The following BAIAP2 variants were observed in gnomAD, a reference collection of about 807,000 sequenced individuals.
BAIAP2 encodes BAR/IMD domain-containing adapter protein 2.
A neutral mutation model predicts 63.0 loss-of-function variants in BAIAP2; 18 were observed. The ratio of observed to expected loss-of-function variants is 0.29; its 90% CI spans 0.20 to 0.42. The LOEUF (loss-of-function observed/expected upper bound fraction) is 0.42, where lower values mean the gene tolerates loss of function less well. Ranked by LOEUF, BAIAP2 falls within the 10% of genes least tolerant of loss-of-function variation. The pLI is 1.00. For missense variants in BAIAP2, 610 were observed against 734.3 expected, an observed-to-expected ratio of 0.83 and a Z score of 1.96; for synonymous variants, 386 against 307.6, an observed-to-expected ratio of 1.25 and a Z score of -2.67.
intron 1 of BAIAP2, among the ~76,000 whole-genome samples, chr17:81,050,731 GCACATGCACACGTGGACA>G (rs1393071958): frequency 5.8e-5 from 1 of 17,384 alleles, no homozygotes; most frequent in Non-Finnish European, 2.1e-4. Flanking sequence ...ACACAAATGT[GCACATGCACACGTGGACA>G]CACATGCACA....
intron 6 of BAIAP2, among the ~76,000 whole-genome samples, chr17:81,099,402 G>A (rs1219753700): frequency 1.3e-5 from 2 of 151,950 alleles, no homozygotes; most frequent in African/African-American, 4.8e-5. Context: ...ACTGTCCTGG[G>A]CTCCAGCTCT....
chr17:81,117,017 G>C lies in BAIAP2; in HGVS notation c.*1178G>C, dbSNP rs1276630219. 3 of 152,460 alleles carry C rather than the reference G, an allele frequency of 2.0e-5. No homozygotes were observed. Among genetic ancestry groups the C allele is most frequent in the African/African-American group, 7.2e-5 (3 of 41,450 alleles). The allele number at this position is 152,460 out of a possible 1,614,324, so 9.4% of individuals were successfully genotyped here. A position where few individuals can be genotyped will look rare whatever the true frequency, so the allele number is the denominator to read the frequency against. On this transcript the variant is annotated 3_prime_UTR_variant, in exon 14 of 14. Coordinates refer to ENST00000428708, the MANE Select transcript of BAIAP2 (RefSeq NM_001144888.2). Reference sequence around the variant, plus strand: ...TTGCCCTCAGAAGGGCAGGGAGGAGGCTGTCCTGGAGAGGCCTGTAGGTCC... The same window carrying C: ...TTGCCCTCAGAAGGGCAGGGAGGAGCCTGTCCTGGAGAGGCCTGTAGGTCC...
chr17:81,092,646 G>A (rs2145568431), intron 6 of BAIAP2, among the ~76,000 whole-genome samples: 1 of 152,342 alleles, frequency 6.6e-6, no homozygotes, highest in Non-Finnish European at 1.5e-5. Context: ...TGGGGTGTTT[G>A]TTAACTAGGA....
chr17:81,039,631 G>A (rs950266194), intron 1 of BAIAP2, among the ~76,000 whole-genome samples: 5 of 152,192 alleles, frequency 3.3e-5, no homozygotes, highest in Admixed American at 6.5e-5. Flanking sequence ...AGTGAAGGCT[G>A]GTGCTGCCCT....
intron 7 of BAIAP2, among the ~76,000 whole-genome samples, chr17:81,102,601 C>T (rs1246695693): frequency 6.6e-6 from 1 of 152,230 alleles, no homozygotes; most frequent in African/African-American, 2.4e-5. Flanking sequence ...TTTGCTGACC[C>T]CTGGTCTGAG....
chr17:81,110,403 A>G, intron 13 of BAIAP2: 1 of 988,706 alleles, frequency 1.0e-6, no homozygotes, highest in Non-Finnish European at 1.2e-6. Context: ...TTGTATGAAG[A>G]TGTAAAGTGC....
intron 6 of BAIAP2, among the ~76,000 whole-genome samples, chr17:81,088,826 G>A (rs143512639): frequency 1.4e-4 from 21 of 152,362 alleles, no homozygotes; most frequent in African/African-American, 4.6e-4. Context: ...GGCTGAGCTC[G>A]CTGGGAGCTG....
intron 13 of BAIAP2, chr17:81,109,071 C>T: frequency 2.0e-6 from 3 of 1,504,886 alleles, no homozygotes; most frequent in Non-Finnish European, 2.7e-6. Flanking sequence ...CGTTTTCCTC[C>T]TCAGCTCTCG....
At chr17:81,035,431 T>C (rs1215474731) in intron 1 of BAIAP2, 123 bp downstream of exon 1, 1 of 458,810 alleles carries the variant, frequency 2.2e-6, no homozygotes, top group East Asian at 1.5e-4. Context: ...GGCTGGGACT[T>C]TGGGGGTCTT....
rs769899566 is a variant in BAIAP2, at chr17:81,085,724, G to C, written c.350G>C (p.Ser117Thr). The C allele has an allele frequency of 2.5e-6, 4 of 1,612,902 alleles. No homozygotes were observed. In the African/African-American group the frequency reaches 4.0e-5, roughly 16 times the overall value. Residue 117 changes from serine (S) to threonine (T), a missense_variant and splice_region_variant, in exon 5 of 14, where the codon AGT becomes ACT. Coordinates refer to ENST00000428708, the MANE Select transcript of BAIAP2 (RefSeq NM_001144888.2). The part of the protein sequence containing the change: ...QKVELDSRYL[S>T]AALKKYQTEQ... ...GTGGAGCTGGACTCCAGGTATCTGAGTGTAAGTGCACCCTGGCCGTGCCTG... is the reference window on the plus strand; with the variant it reads ...GTGGAGCTGGACTCCAGGTATCTGACTGTAAGTGCACCCTGGCCGTGCCTG...
chr17:81,053,288 G>T (rs563153822), intron 1 of BAIAP2: 4 of 226,936 alleles, frequency 1.8e-5, no homozygotes, highest in Non-Finnish European at 3.5e-5. Context: ...GTGTATGGCC[G>T]GTGGGGGGCC....
rs1568150110 is a variant in BAIAP2, at chr17:81,091,213, A to ACG, written c.489+4633_489+4634insCG. ...CCCACCCCACCCCACCCCACCCCAC[A>ACG]GGCCTCCTAGCTGTCCCTAACTCCT... On this transcript the variant is annotated intron_variant, in intron 6 of 13. Transcript: ENST00000428708. Among the ~76,000 whole-genome samples the ACG allele has an allele frequency of 3.2e-3, 24 of 7,568 alleles. 1 individual carries two copies. In the East Asian group the frequency reaches 0.12, roughly 37 times the overall value. 5.0% of individuals were successfully genotyped at this position (7,568 alleles called of 152,430 possible).
At chr17:81,073,368 G>C (rs2053046605) in intron 3 of BAIAP2, among the ~76,000 whole-genome samples, 1 of 152,184 alleles carries the variant, frequency 6.6e-6, no homozygotes, top group African/African-American at 2.4e-5. Context: ...AGGCTGTGCT[G>C]CTCCCCTCAC....
At chr17:81,044,136 T>G in intron 1 of BAIAP2, among the ~76,000 whole-genome samples, 1 of 152,088 alleles carries the variant, frequency 6.6e-6, no homozygotes, top group African/African-American at 2.4e-5. Context: ...TGACCTGAGG[T>G]TGGCGGGAGG....
intron 3 of BAIAP2, among the ~76,000 whole-genome samples, chr17:81,062,107 T>A (rs1292221113): frequency 3.3e-5 from 5 of 152,244 alleles, no homozygotes; most frequent in Non-Finnish European, 7.4e-5. Context: ...CACACCCGCC[T>A]AATTTTTGTA....
At chr17:81,091,838 C>T (rs958304711) in intron 6 of BAIAP2, among the ~76,000 whole-genome samples, 1 of 152,240 alleles carries the variant, frequency 6.6e-6, no homozygotes, top group African/African-American at 2.4e-5. Flanking sequence ...CTTGGAGACC[C>T]TTTAGTGCCT....
intron 3 of BAIAP2, among the ~76,000 whole-genome samples, chr17:81,058,603 G>A (rs1477917483): frequency 1.3e-5 from 2 of 152,220 alleles, no homozygotes; most frequent in South Asian, 2.1e-4. Context: ...GGGAGACCCC[G>A]GGCCGGCTGC....
intron 13 of BAIAP2, chr17:81,109,323 T>A: frequency 1.8e-6 from 2 of 1,127,474 alleles, no homozygotes; most frequent in Non-Finnish European, 2.2e-6. Context: ...ACTGCTTTTC[T>A]AAGGCTCGCC....
At chr17:81,047,005 G>A (rs4077127) in intron 1 of BAIAP2, among the ~76,000 whole-genome samples, 115,035 of 151,626 alleles carry the variant, frequency 0.76, 43,809 homozygotes, top group Middle Eastern at 0.8. Flanking sequence ...TGGTCCAGTG[G>A]GCAACAGCGG....
Sources: gnomAD v4.1 joint callset for allele counts (sites outside exome capture counted in the v4.1 genomes callset) on GRCh38, gnomAD v4.1.1 for gene constraint, MANE v1.5 for transcripts, NCBI Gene and HGNC (gene_info 2026-07-23, HGNC 2026-07-21) for gene names.